PCDHGB7: variants seen among roughly 807,000 people sequenced by gnomAD.
PCDHGB7 encodes the protein protocadherin gamma-B7.
A neutral mutation model predicts 61.4 loss-of-function variants in PCDHGB7; 37 were observed. The observed-to-expected ratio is 0.60, with a 90% CI of 0.46 to 0.79. PCDHGB7 has a LOEUF of 0.79. Ranked by LOEUF, PCDHGB7 falls within the 30% of genes least tolerant of loss-of-function variation. The probability of loss-of-function intolerance (pLI) is 0.00; values close to 1 mark genes in which losing one functional copy is unlikely to be tolerated. For missense variants in PCDHGB7, 1,166 were observed against 1,202.5 expected (o/e 0.97, Z 0.45); for synonymous variants, 464 against 503.5 (o/e 0.92, Z 1.05).
chr5:141,507,478 C>T (rs933478897), intron 3 of PCDHGB7, among the ~76,000 whole-genome samples: 5 of 152,158 alleles, frequency 3.3e-5, no homozygotes, highest in African/African-American at 1.2e-4. Flanking sequence ...GGACTGCTGG[C>T]CTCCTGAGGC....
Position 141,417,742 on chromosome 5 carries a change from G to A in PCDHGB7, c.-118G>A. 7.0e-7 allele frequency: 1 copy of A among 1,418,808 alleles called. No homozygotes were observed. 87.9% of individuals were successfully genotyped at this position (1,418,808 alleles called of 1,614,324 possible). ...TGCGCAGACCTTGCCCAGCACACCAGATTGCCAGCTCCGAGACCCGGGACT... is the reference window on the plus strand; with the variant it reads ...TGCGCAGACCTTGCCCAGCACACCAAATTGCCAGCTCCGAGACCCGGGACT... On this transcript the variant is annotated 5_prime_UTR_variant, in exon 1 of 4. Transcript: ENST00000398594.
chr5:141,508,026 T>A (rs972124070), intron 3 of PCDHGB7: 3 of 152,314 alleles, frequency 2.0e-5, no homozygotes, highest in African/African-American at 7.2e-5. Context: ...GGCTGCGGTT[T>A]GCAGCTCAGC....
chr5:141,435,795 G>A (rs150143106), intron 1 of PCDHGB7, among the ~76,000 whole-genome samples: 16 of 152,032 alleles, frequency 1.1e-4, no homozygotes, highest in Admixed American at 2.0e-4. Flanking sequence ...GAAACATAAC[G>A]TCCCAATTAT....
At chr5:141,483,084 CA>C (rs898059463) in intron 1 of PCDHGB7, among the ~76,000 whole-genome samples, 4 of 150,440 alleles carry the variant, frequency 2.7e-5, no homozygotes, top group Middle Eastern at 3.4e-3. Flanking sequence ...GACTCCATCT[CA>C]AAAAAAAAGT....
At chr5:141,501,288 T>TATACAC (rs201660636) in intron 2 of PCDHGB7, among the ~76,000 whole-genome samples, 3,536 of 81,176 alleles carry the variant, frequency 0.044, 56 homozygotes, top group Admixed American at 0.065. Flanking sequence ...GATATTCCCT[T>TATACAC]ATACACACAC....
chr5:141,463,510 G>A (rs1031854898), intron 1 of PCDHGB7, among the ~76,000 whole-genome samples: 4 of 143,710 alleles, frequency 2.8e-5, no homozygotes, highest in Non-Finnish European at 4.5e-5. Context: ...GTGACGTGGC[G>A]TGATCTCGGC....
Position 141,486,486 on chromosome 5 carries a change from A to G in PCDHGB7, c.2416-8321A>G. The G allele has an allele frequency of 6.2e-7, 1 of 1,614,056 alleles. No individual in the cohort carries two copies. Among genetic ancestry groups the G allele is most frequent in the South Asian group, 1.1e-5 (1 of 91,084 alleles). ...GCTGGGAACCCTCCTCTCAGTACCC[A>G]CAGAACTATTTTCCTCAATATTTCA... On this transcript the variant is annotated intron_variant, in intron 1 of 3. Coordinates refer to ENST00000398594, the MANE Select transcript of PCDHGB7 (RefSeq NM_018927.4). The surrounding 1 kb of genome is among the most constrained non-coding windows in gnomAD (Gnocchi z 5.0).
chr5:141,486,940 A>T lies in PCDHGB7; in HGVS notation c.2416-7867A>T. ...CTCCATCAGTTGGTGCTGGCCACCTAATCACAAAGGTGACTGCTGTGGACT... is the reference window on the plus strand; with the variant it reads ...CTCCATCAGTTGGTGCTGGCCACCTTATCACAAAGGTGACTGCTGTGGACT... On this transcript the variant is annotated intron_variant, in intron 1 of 3. Coordinates refer to ENST00000398594, the MANE Select transcript of PCDHGB7 (RefSeq NM_018927.4). This position sits in a 1 kb window ranked among gnomAD's most constrained non-coding sequence, Gnocchi z 5.0. 6.2e-7 allele frequency: 1 copy of T among 1,614,188 alleles called. No homozygotes were observed. Among genetic ancestry groups the T allele is most frequent in the Non-Finnish European group, 8.5e-7 (1 of 1,180,032 alleles).
chr5:141,478,517 T>G (rs1593923092), intron 1 of PCDHGB7: 1 of 1,611,116 alleles, frequency 6.2e-7, no homozygotes, highest in Non-Finnish European at 8.5e-7. Context: ...TAGGCAGGTG[T>G]TGGGTGCAGA....
chr5:141,422,568 C>T (rs372115955), intron 1 of PCDHGB7: 91 of 1,613,904 alleles, frequency 5.6e-5, no homozygotes, highest in Non-Finnish European at 7.5e-5. Flanking sequence ...CAGATGACAA[C>T]GATAACCCTC....
Position 141,486,098 on chromosome 5 carries a change from G to A in PCDHGB7, c.2416-8709G>A, listed in dbSNP as rs1211678224. ...AAAGCTTACTCTTTTGGGGCCCCTA[G>A]ACTTTGAGAGTGAGAATTACTATGA... On this transcript the variant is annotated intron_variant, in intron 1 of 3. Transcript: ENST00000398594. This position sits in a 1 kb window ranked among gnomAD's most constrained non-coding sequence, Gnocchi z 5.0. 5.0e-6 allele frequency: 8 copies of A among 1,614,032 alleles called. No homozygotes were observed. Among genetic ancestry groups the A allele is most frequent in the Admixed American group, 3.3e-5 (2 of 59,994 alleles).
Position 141,447,434 on chromosome 5 carries a change from G to A in PCDHGB7, c.2415+27160G>A, listed in dbSNP as rs114249648. ...ATTACAGGCGTGAGCCACCGCACCC[G>A]GAGGAAATTTTTAACCTCAGTTTTT... On this transcript the variant is annotated intron_variant, in intron 1 of 3. Transcript: ENST00000398594. 2.8e-3 allele frequency among the ~76,000 whole-genome samples: 425 copies of A among 152,164 alleles called. 1 individual carries two copies. The highest frequency in any genetic ancestry group is 9.5e-3 in the African/African-American group (394 of 41,546).
intron 1 of PCDHGB7, chr5:141,430,760 A>C: frequency 1.3e-6 from 2 of 1,505,596 alleles, no homozygotes; most frequent in Non-Finnish European, 8.9e-7. Context: ...GAAGATAAGA[A>C]TGATTCCTGC....
intron 1 of PCDHGB7, among the ~76,000 whole-genome samples, chr5:141,483,722 C>G (rs1043315057): frequency 6.6e-6 from 1 of 152,080 alleles, no homozygotes; most frequent in Non-Finnish European, 1.5e-5. Context: ...TATTGGTTCC[C>G]ACCATAGTCA....
At chr5:141,421,189 C>G in intron 1 of PCDHGB7, 1 of 1,477,674 alleles carries the variant, frequency 6.8e-7, no homozygotes, top group Non-Finnish European at 9.0e-7. Flanking sequence ...CACAACCAAC[C>G]AGCTCGAGAA....
In PCDHGB7 at chr5:141,489,514, C is replaced by T. The variant is rs141377711; in HGVS notation, c.2416-5293C>T. 63 of 1,613,926 alleles carry T rather than the reference C, an allele frequency of 3.9e-5. No homozygotes were observed. The highest frequency in any genetic ancestry group is 6.7e-5 in the Admixed American group (4 of 60,004). ...CCTGGCAGTGAATCAAAAGATTGAC[C>T]GAGAAAGCCTATGTGGAGCCAGCAC... On this transcript the variant is annotated intron_variant, in intron 1 of 3. Coordinates refer to ENST00000398594, the MANE Select transcript of PCDHGB7 (RefSeq NM_018927.4). This position sits in a 1 kb window ranked among gnomAD's most constrained non-coding sequence, Gnocchi z 4.5.
intron 1 of PCDHGB7, chr5:141,428,444 T>C (rs2097139811): frequency 5.3e-6 from 2 of 379,264 alleles, no homozygotes; most frequent in Non-Finnish European, 1.0e-5. Context: ...AGACCAGGGG[T>C]TTTTCCCAAC....
rs1452602466 is a variant in PCDHGB7 at position 141,481,941 on chromosome 5, C to A, written c.2416-12866C>A. Among the ~76,000 whole-genome samples, 4 of 146,990 alleles carry A rather than the reference C, an allele frequency of 2.7e-5. No individual in the cohort carries two copies. The Admixed American group carries it at 2.7e-4, about 10-fold the overall frequency. On this transcript the variant is annotated intron_variant, in intron 1 of 3. Coordinates refer to ENST00000398594, the MANE Select transcript of PCDHGB7 (RefSeq NM_018927.4). ...AAAAAAAAAAAAAAAAAAAATCAGC[C>A]AGATGTGGTGGCAGGTGCCTGTAGT...
In PCDHGB7 at chr5:141,432,476, A is replaced by C; in HGVS notation, c.2415+12202A>C. 6.2e-7 allele frequency: 1 copy of C among 1,614,080 alleles called. No homozygotes were observed. The highest frequency in any genetic ancestry group is 8.5e-7 in the Non-Finnish European group (1 of 1,180,012). Reference sequence around the variant, plus strand: ...CCCCGCCCTCCCCACGGACGGTTCCACTGGCGTGGAGCTGGCTCCCCGCTC... The same window carrying C: ...CCCCGCCCTCCCCACGGACGGTTCCCCTGGCGTGGAGCTGGCTCCCCGCTC... On this transcript the variant is annotated intron_variant, in intron 1 of 3. Transcript: ENST00000398594. The surrounding 1 kb of genome is among the most constrained non-coding windows in gnomAD (Gnocchi z 6.0).
Sources: gnomAD v4.1 joint callset for allele counts (sites outside exome capture counted in the v4.1 genomes callset) on GRCh38, gnomAD v4.1.1 for gene constraint, Gnocchi (gnomAD v3.1) non-coding constraint, MANE v1.5 for transcripts, NCBI Gene and HGNC (gene_info 2026-07-23, HGNC 2026-07-21) for gene names.